The following PDK3 variants were observed in gnomAD, a reference collection of about 807,000 sequenced individuals.
PDK3 encodes pyruvate dehydrogenase kinase, isozyme 3.
PDK3 carries 12 observed loss-of-function variants against 32.0 expected under a neutral mutation model. The observed-to-expected ratio is 0.37, with a 90% CI of 0.24 to 0.61. The LOEUF is 0.61. PDK3 is among the 20% of genes least tolerant of loss of function. The pLI is 0.65. For synonymous variants in PDK3, 122 were observed against 116.3 expected (o/e 1.05, Z -0.31); for missense variants, 188 against 316.9 (o/e 0.59, Z 3.09).
At chrX:24,494,676 T>C in intron 1 of PDK3, 66 bp from the exon 2 acceptor site, 2 of 811,863 alleles carry the variant, frequency 2.5e-6, no homozygotes, top group Non-Finnish European at 3.6e-6. Context: ...CGTGCTACCG[T>C]GGGAGCACTT....
At chrX:24,490,497 T>A (rs188429929) in intron 1 of PDK3, among the ~76,000 whole-genome samples, 2 of 111,885 alleles carry the variant, frequency 1.8e-5, no homozygotes, top group East Asian at 5.6e-4. Flanking sequence ...AGCTTTTCTC[T>A]GAATCCTGAA....
chrX:24,481,515 G>A (rs1272719850), intron 1 of PDK3, among the ~76,000 whole-genome samples: 1 of 112,037 alleles, frequency 8.9e-6, no homozygotes, highest in Admixed American at 9.5e-5. Flanking sequence ...GACTGATGTG[G>A]TTTGGCTCTG....
chrX:24,488,934 T>C (rs1168655676), intron 1 of PDK3, among the ~76,000 whole-genome samples: 1 of 111,126 alleles, frequency 9.0e-6, no homozygotes, highest in Non-Finnish European at 1.9e-5. Context: ...AGAATAAAAA[T>C]AGAAAGTCAA....
At position 24,497,687 on chromosome X, in the gene PDK3, T is replaced by C. The variant is rs150844183; in HGVS notation, c.249-1142T>C. Among the ~76,000 whole-genome samples, 24 of 113,114 alleles carry C rather than the reference T, an allele frequency of 2.1e-4. 1 individual carries two copies. In the East Asian group the frequency reaches 5.5e-3, roughly 26 times the overall value. ...GCTGATGAATCAAGTGGCATTCTCA[T>C]TGGAGTATTTATATGTGTAACAGTC... On this transcript the variant is annotated intron_variant, in intron 2 of 10. Coordinates refer to ENST00000379162, the MANE Select transcript of PDK3 (RefSeq NM_005391.5).
At position 24,470,242 on chromosome X, in the gene PDK3, C is replaced by T. The variant is rs186136427; in HGVS notation, c.106+4681C>T. ...AATTTATCTTTTGAATTATCTGGTTCTTAAAGATTTGGTAGAACTTCATAT... is the reference window on the plus strand; with the variant it reads ...AATTTATCTTTTGAATTATCTGGTTTTTAAAGATTTGGTAGAACTTCATAT... On this transcript the variant is annotated intron_variant, in intron 1 of 10. Transcript: ENST00000379162. 3.8e-3 allele frequency among the ~76,000 whole-genome samples: 421 copies of T among 111,749 alleles called. 2 individuals carry two copies. The highest frequency in any genetic ancestry group is 0.012 in the African/African-American group (376 of 30,785).
At chrX:24,535,492 T>A (rs1173106042), downstream of PDK3, among the ~76,000 whole-genome samples, 27 of 80,687 alleles carry the variant, frequency 3.3e-4, 1 homozygote, top group African/African-American at 1.5e-3. Context: ...GCGATAGAGC[T>A]AGACTCCATC....
chrX:24,472,604 T>C (rs1160117513), intron 1 of PDK3, among the ~76,000 whole-genome samples: 1 of 110,996 alleles, frequency 9.0e-6, no homozygotes, highest in Non-Finnish European at 1.9e-5. Flanking sequence ...AAAAACTTTA[T>C]TTCTTTTTTA....
intron 1 of PDK3, among the ~76,000 whole-genome samples, chrX:24,482,177 G>A (rs1192891352): frequency 2.7e-5 from 3 of 111,818 alleles, no homozygotes; most frequent in Non-Finnish European, 5.6e-5. Context: ...TAGGGGCAAA[G>A]CCATGGTTAA....
chrX:24,503,178 G>A, intron 3 of PDK3, 149 bp from the exon 4 acceptor site: 2 of 330,857 alleles, frequency 6.0e-6, no homozygotes, highest in Non-Finnish European at 1.0e-5. Flanking sequence ...TTAGTTTCTT[G>A]TGGGTGGTTC....
chrX:24,496,769 A>ATTTTTTTTTTTTTT (rs1569221835), intron 2 of PDK3, among the ~76,000 whole-genome samples: 1 of 73,018 alleles, frequency 1.4e-5, no homozygotes, highest in Non-Finnish European at 2.4e-5. Context: ...CCTCAAAATA[A>ATTTTTTTTTTTTTT]TCTTTTTTTT....
At chrX:24,476,655 T>C (rs897378214) in intron 1 of PDK3, among the ~76,000 whole-genome samples, 12 of 112,044 alleles carry the variant, frequency 1.1e-4, no homozygotes, top group African/African-American at 3.9e-4. Context: ...GGACATTTGT[T>C]ATAATTGATG....
chrX:24,494,855 C>A lies in PDK3; in HGVS notation c.220C>A (p.Arg74Ser). 1 of 1,206,344 alleles carries A rather than the reference C, an allele frequency of 8.3e-7. No homozygotes were observed. The highest frequency in any genetic ancestry group is 1.1e-6 in the Non-Finnish European group (1 of 891,681). ...VNLLPDNLLNRPSVGLVQSWY... is the reference protein window; with the variant it reads ...VNLLPDNLLNSPSVGLVQSWY... The stretch of plus-strand genomic sequence containing the variant: ...TCTTCTGCCGGATAATTTACTTAAC[C>A]GCCCTTCAGTGGGATTGGTTCAGAG... The change falls in exon 2 of 11, where the codon CGC (arginine) becomes AGC (serine). Residue 74 changes from arginine to serine, a missense_variant. Transcript: ENST00000379162.
downstream of PDK3, among the ~76,000 whole-genome samples, chrX:24,535,690 A>G (rs191759698): frequency 6.9e-4 from 76 of 109,642 alleles, no homozygotes; most frequent in African/African-American, 2.2e-3. Flanking sequence ...AGATTACACT[A>G]TTCATACTAT....
chrX:24,500,754 G>A (rs1401661191), intron 3 of PDK3, among the ~76,000 whole-genome samples: 3 of 111,692 alleles, frequency 2.7e-5, no homozygotes, highest in Non-Finnish European at 5.6e-5. Flanking sequence ...CACCAGCAGG[G>A]AAATCATTTT....
chrX:24,516,686 G>A (rs1922261810), intron 5 of PDK3, among the ~76,000 whole-genome samples: 1 of 111,539 alleles, frequency 9.0e-6, no homozygotes, highest in African/African-American at 3.3e-5. Flanking sequence ...GTGGAGGGGA[G>A]TAACTGCTAA....
chrX:24,497,481 T>A (rs747430644), intron 2 of PDK3, among the ~76,000 whole-genome samples: 1 of 111,938 alleles, frequency 8.9e-6, no homozygotes, highest in South Asian at 3.7e-4. Context: ...AGACGGGGTT[T>A]CGCCATGTTG....
At chrX:24,478,605 C>A (rs1204296735) in intron 1 of PDK3, among the ~76,000 whole-genome samples, 2 of 112,189 alleles carry the variant, frequency 1.8e-5, no homozygotes, top group Non-Finnish European at 3.8e-5. Context: ...TCCTTCATAT[C>A]CCTCAAGGAG....
At chrX:24,533,565 G>A (rs1398929340) in intron 10 of PDK3, among the ~76,000 whole-genome samples, 3 of 112,012 alleles carry the variant, frequency 2.7e-5, no homozygotes, top group Non-Finnish European at 5.6e-5. Flanking sequence ...ACTTGATGGT[G>A]TGTGTTTATA....
intron 1 of PDK3, among the ~76,000 whole-genome samples, chrX:24,481,037 CT>C (rs904428684): frequency 1.2e-5 from 1 of 83,231 alleles, no homozygotes; most frequent in African/African-American, 5.3e-5. Context: ...TGTGCATACT[CT>C]TTTTCTTTTT....
Sources: gnomAD v4.1 joint callset for allele counts (sites outside exome capture counted in the v4.1 genomes callset) on GRCh38, gnomAD v4.1.1 for gene constraint, MANE v1.5 for transcripts, NCBI Gene and HGNC (gene_info 2026-07-23, HGNC 2026-07-21) for gene names.